Variants in PHLDB1 observed in about 807,000 individuals in gnomAD.
PHLDB1 encodes the protein pleckstrin homology-like domain family B member 1.
Under a neutral mutation model 139.3 loss-of-function variants are expected in PHLDB1, and 65 were observed. The observed-to-expected ratio is 0.47, with a 90% CI of 0.38 to 0.57. The LOEUF is 0.57. Among genes scored for constraint, PHLDB1 ranks in the 20% least tolerant of loss-of-function variants. The probability of loss-of-function intolerance (pLI) is 0.00; values close to 1 mark genes in which losing one functional copy is unlikely to be tolerated. For synonymous variants in PHLDB1, 679 were observed against 734.5 expected (o/e 0.92, Z 1.22); for missense variants, 1,624 against 1,839.7 (o/e 0.88, Z 2.14).
Position 118,610,544 on chromosome 11 carries a change from G to A in PHLDB1, c.-22+2845G>A, listed in dbSNP as rs1041001930. Reference sequence around the variant, plus strand: ...GGACACAGGTGAGGCCGGGCGACCCGCGGGGCTCCGGGGAGCGCCCGAGCA... The same window carrying A: ...GGACACAGGTGAGGCCGGGCGACCCACGGGGCTCCGGGGAGCGCCCGAGCA... On this transcript the variant is annotated intron_variant, in intron 1 of 22. Coordinates refer to ENST00000600882, the MANE Select transcript of PHLDB1 (RefSeq NM_001144758.3). This position sits in a 1 kb window ranked among gnomAD's most constrained non-coding sequence, Gnocchi z 8.7. 134 of 938,034 alleles carry A rather than the reference G, an allele frequency of 1.4e-4. No homozygotes were observed. In the African/African-American group the frequency reaches 2.1e-3, roughly 15 times the overall value. 58.1% of individuals were successfully genotyped at this position (938,034 alleles called of 1,614,324 possible).
chr11:118,607,684 C>CG lies in PHLDB1; in HGVS notation c.-37_-36insG, dbSNP rs1487540218. 4.9e-5 allele frequency: 7 copies of CG among 144,106 alleles called. No homozygotes were observed. The highest frequency in any genetic ancestry group is 1.8e-4 in the African/African-American group (7 of 38,700). 8.9% of individuals were successfully genotyped at this position (144,106 alleles called of 1,614,324 possible). A position where few individuals can be genotyped will look rare whatever the true frequency, so the allele number is the denominator to read the frequency against. ...GCTAAGGGACCAGTGTCTCCCTGCC[C>CG]CCCCCCCACCTCTAGGTAAGAGCGC... On this transcript the variant is annotated 5_prime_UTR_variant, in exon 1 of 23. Transcript: ENST00000600882.
At chr11:118,615,728 G>A (rs185960365) in intron 3 of PHLDB1, 63 of 311,998 alleles carry the variant, frequency 2.0e-4, no homozygotes, top group Non-Finnish European at 3.4e-4. Context: ...GAGGCAGTTG[G>A]GGGAATAAGG....
rs1170621974 is a variant in PHLDB1 at position 118,607,709 on chromosome 11, C to G, written c.-22+10C>G. On this transcript the variant is annotated intron_variant, in intron 1 of 22. Transcript: ENST00000600882. ...CCCCCCCCACCTCTAGGTAAGAGCG[C>G]CCCGTCCCACTACACTTGCGGGTCC... The G allele has an allele frequency of 1.4e-5, 2 of 143,200 alleles. No homozygotes were observed. Among genetic ancestry groups the G allele is most frequent in the African/African-American group, 2.6e-5 (1 of 38,338 alleles). The allele number at this position is 143,200 out of a possible 1,614,324, so 8.9% of individuals were successfully genotyped here.
At chr11:118,627,060 T>C (rs1944005950) in intron 5 of PHLDB1, 1 of 558,040 alleles carries the variant, frequency 1.8e-6, no homozygotes, top group South Asian at 2.3e-5. Flanking sequence ...GTTAACTGTT[T>C]TAAGTCACAG....
At chr11:118,644,225 A>G (rs576030683) in intron 15 of PHLDB1, 51 bp downstream of exon 15, 18 of 1,273,430 alleles carry the variant, frequency 1.4e-5, no homozygotes, top group Admixed American at 1.3e-4. Context: ...GACCCTGGGT[A>G]GTTGCCATGC....
At chr11:118,644,459 C>A in intron 15 of PHLDB1, 2 of 485,820 alleles carry the variant, frequency 4.1e-6, no homozygotes. Context: ...ACATTGCCCT[C>A]TCTGGAGGGA....
intron 22 of PHLDB1, among the ~76,000 whole-genome samples, chr11:118,656,434 C>T (rs976530597): frequency 6.6e-6 from 1 of 152,216 alleles, no homozygotes; most frequent in East Asian, 1.9e-4. Flanking sequence ...ACCAGTGCCC[C>T]CCTTGTCAGG....
chr11:118,650,388 C>A lies in PHLDB1; in HGVS notation c.3772-57C>A. 6 of 1,224,600 alleles carry A rather than the reference C, an allele frequency of 4.9e-6. No homozygotes were observed. The South Asian group carries it at 6.0e-5, about 12-fold the overall frequency. 75.9% of individuals were successfully genotyped at this position (1,224,600 alleles called of 1,614,324 possible). A position where few individuals can be genotyped will look rare whatever the true frequency, so the allele number is the denominator to read the frequency against. ...GAATACAGGCACAGGCGATGGCACA[C>A]ACTTAAGGCTTAAGGGCTGCATATT... On this transcript the variant is annotated intron_variant, in intron 19 of 22. Transcript: ENST00000600882. The surrounding 1 kb of genome is among the most constrained non-coding windows in gnomAD (Gnocchi z 4.7).
chr11:118,623,364 T>A (rs1555096985), intron 4 of PHLDB1, among the ~76,000 whole-genome samples: 1 of 152,018 alleles, frequency 6.6e-6, no homozygotes, highest in Non-Finnish European at 1.5e-5. Flanking sequence ...GGAGGTGGAG[T>A]TCTGCTAGCT....
chr11:118,624,461 G>A (rs1175005465), intron 4 of PHLDB1: 5 of 178,636 alleles, frequency 2.8e-5, no homozygotes, highest in Admixed American at 2.2e-4. Flanking sequence ...AAGGTCAGGT[G>A]TGGACTGTGT....
intron 15 of PHLDB1, chr11:118,644,691 G>C (rs1555125297): frequency 7.8e-7 from 1 of 1,289,584 alleles, no homozygotes. Context: ...CGACCCAGCA[G>C]GTAGAACGTT....
In PHLDB1 at chr11:118,611,202, TGAG is replaced by T. The variant is rs1332451811; in HGVS notation, c.-21-2613_-21-2611del. 6.6e-5 allele frequency among the ~76,000 whole-genome samples: 10 copies of T among 152,234 alleles called. No homozygotes were observed. Among genetic ancestry groups the T allele is most frequent in the Non-Finnish European group, 8.8e-5 (6 of 68,034 alleles). On this transcript the variant is annotated intron_variant, in intron 1 of 22. Transcript: ENST00000600882. This position sits in a 1 kb window ranked among gnomAD's most constrained non-coding sequence, Gnocchi z 4.7. ...GATCGCCCTTTGGGAAAGCACCGCC[TGAG>T]TGCAGGGCAGGTTGGCCTGGTGTCT...
chr11:118,656,188 A>G (rs1415367456), intron 22 of PHLDB1, among the ~76,000 whole-genome samples: 14 of 152,262 alleles, frequency 9.2e-5, no homozygotes, highest in African/African-American at 2.9e-4. Context: ...ATTGATAAAC[A>G]GGAGATATTG....
chr11:118,634,814 T>G (rs993942203), intron 9 of PHLDB1: 2 of 282,560 alleles, frequency 7.1e-6, no homozygotes, highest in Non-Finnish European at 1.5e-5. Context: ...TGTCCCGCCC[T>G]GGCCGCCCTC....
chr11:118,627,239 GC>G, intron 5 of PHLDB1, 65 bp from the exon 6 acceptor site: 1 of 1,497,078 alleles, frequency 6.7e-7, no homozygotes, highest in East Asian at 2.3e-5. Flanking sequence ...GAGGAGGGGG[GC>G]TAGTGCTCTG....
intron 1 of PHLDB1, among the ~76,000 whole-genome samples, chr11:118,609,360 C>CTCAG: frequency 2.7e-5 from 4 of 147,608 alleles, no homozygotes; most frequent in Admixed American, 6.7e-5. Context: ...ACACACACAG[C>CTCAG]CTATCACACA....
At chr11:118,613,463 C>T (rs955570891) in intron 1 of PHLDB1, 18 of 998,226 alleles carry the variant, frequency 1.8e-5, no homozygotes, top group African/African-American at 3.5e-5. Flanking sequence ...AGATTTTCCC[C>T]ACCCTGCTTA....
intron 2 of PHLDB1, 70 bp from the exon 3 acceptor site, chr11:118,614,489 G>C: frequency 1.3e-6 from 2 of 1,565,596 alleles, no homozygotes; most frequent in Non-Finnish European, 1.8e-6. Context: ...AGAGAGTGCT[G>C]GTGTGACTGG....
intron 9 of PHLDB1, chr11:118,634,283 C>T (rs1555113406): frequency 6.6e-6 from 1 of 152,294 alleles, no homozygotes; most frequent in East Asian, 1.9e-4. Flanking sequence ...GGGCCAACAC[C>T]CCACCCCGAC....
Sources: allele counts gnomAD v4.1 joint callset (sites outside exome capture counted in the v4.1 genomes callset), GRCh38; gene constraint gnomAD v4.1.1; non-coding constraint Gnocchi (gnomAD v3.1); transcripts MANE v1.5; gene names NCBI Gene and HGNC (gene_info 2026-07-23, HGNC 2026-07-21).